The following RNASEL variants were observed in gnomAD, a reference collection of about 807,000 sequenced individuals.
RNASEL encodes ribonuclease L.
A neutral mutation model predicts 50.9 loss-of-function variants in RNASEL; 36 were observed. That is an observed-to-expected ratio of 0.71 (90% confidence interval 0.54 to 0.93). RNASEL has a LOEUF of 0.93. Ranked by LOEUF, RNASEL falls within the 40% of genes least tolerant of loss-of-function variation. The pLI is 0.00. For synonymous variants in RNASEL, 335 were observed against 335.6 expected (o/e 1.00, Z 0.02); for missense variants, 860 against 894.5 (o/e 0.96, Z 0.49).
intron 3 of RNASEL, among the ~76,000 whole-genome samples, chr1:182,583,704 T>C (rs1661540890): frequency 6.6e-6 from 1 of 152,160 alleles, no homozygotes; most frequent in Non-Finnish European, 1.5e-5. Context: ...GGCCTTCATC[T>C]TTCTCCCGTG....
intron 2 of RNASEL, 54 bp from the exon 3 acceptor site, chr1:182,584,220 G>A (rs1571268486): frequency 8.9e-7 from 1 of 1,126,052 alleles, no homozygotes; most frequent in Non-Finnish European, 1.4e-6. Context: ...CATAAAGTGA[G>A]AGTCAATTGA....
In RNASEL at chr1:182,586,554, G is replaced by A. The variant is rs752416471; in HGVS notation, c.253C>T (p.Pro85Ser). Residue 85 changes from proline to serine, a missense_variant, in exon 2 of 7, where the codon CCT becomes TCT. Transcript: ENST00000367559. ...VELLLRHGAD[P>S]VLRKKNGATP... The stretch of plus-strand genomic sequence containing the variant: ...GCCCCATTCTTCTTCCTCAGAACAG[G>A]GTCAGCACCATGACGAAGCAGAAGT... The A allele has an allele frequency of 1.2e-6, 2 of 1,606,762 alleles. No homozygotes were observed. The highest frequency in any genetic ancestry group is 2.2e-5 in the East Asian group (1 of 44,730).
At position 182,574,302 on chromosome 1, in the gene RNASEL, TA is replaced by T; in HGVS notation, c.*1089del. 4.4e-6 allele frequency: 1 copy of T among 226,728 alleles called. No individual in the cohort carries two copies. Among genetic ancestry groups the T allele is most frequent in the Non-Finnish European group, 8.8e-6 (1 of 114,100 alleles). 14.0% of individuals were successfully genotyped at this position (226,728 alleles called of 1,614,324 possible). On this transcript the variant is annotated 3_prime_UTR_variant, in exon 7 of 7. Coordinates refer to ENST00000367559, the MANE Select transcript of RNASEL (RefSeq NM_021133.4). ...TACATTCCAGTGGAGGAACCAAAAC[TA>T]AAAGGCGGAGGAAAGCTCTGGGTGC...
chr1:182,586,507 C>G lies in RNASEL; in HGVS notation c.300G>C (p.Ala100=), dbSNP rs1235804414. ...TCAGCAGCTTCACGCTCCCCGCAATCGCTGCGAGGATAAAAGGCGTGGCCC... is the reference window on the plus strand; with the variant it reads ...TCAGCAGCTTCACGCTCCCCGCAATGGCTGCGAGGATAAAAGGCGTGGCCC... ...KNGATPFILA[A]IAGSVKLLKL... is the part of the protein sequence containing the mutation. Residue 100 remains alanine, a synonymous_variant, in exon 2 of 7, where the codon GCG becomes GCC. Transcript: ENST00000367559. 1.1e-5 allele frequency: 18 copies of G among 1,611,436 alleles called. No homozygotes were observed. The highest frequency in any genetic ancestry group is 1.5e-5 in the Non-Finnish European group (18 of 1,177,916).
chr1:182,586,959 C>T lies in RNASEL; in HGVS notation c.-153G>A. 1.0e-6 allele frequency: 1 copy of T among 976,574 alleles called. No individual in the cohort carries two copies. The highest frequency in any genetic ancestry group is 1.6e-6 in the Non-Finnish European group (1 of 635,390). 60.5% of individuals were successfully genotyped at this position (976,574 alleles called of 1,614,324 possible). On this transcript the variant is annotated 5_prime_UTR_variant, in exon 2 of 7. Coordinates refer to ENST00000367559, the MANE Select transcript of RNASEL (RefSeq NM_021133.4). ...AAGAAGGAACAATGTTCTCAGTCTT[C>T]TGACATTCCACCTGGCAACGAAGAG...
chr1:182,576,490 A>G (rs370170877), intron 5 of RNASEL, 101 bp from the exon 6 acceptor site: 16 of 887,734 alleles, frequency 1.8e-5, no homozygotes, highest in African/African-American at 1.4e-4. Flanking sequence ...GAATATATTC[A>G]TATATTCTAT....
In RNASEL at chr1:182,583,712, GT is replaced by G. The variant is rs554654937; in HGVS notation, c.1566+368del. 7.2e-5 allele frequency among the ~76,000 whole-genome samples: 11 copies of G among 152,280 alleles called. No homozygotes were observed. The East Asian group carries it at 1.7e-3, about 24-fold the overall frequency. ...GACTTCTGGCCTTCATCTTTCTCCC[GT>G]GCTGGATGCTTCCTGCCCTCAAACA... On this transcript the variant is annotated intron_variant, in intron 3 of 6. Transcript: ENST00000367559.
intron 5 of RNASEL, among the ~76,000 whole-genome samples, chr1:182,577,478 C>T (rs975946469): frequency 2.0e-5 from 3 of 152,018 alleles, no homozygotes; most frequent in South Asian, 4.1e-4. Flanking sequence ...CCAAAGTGAA[C>T]GGTTTTGTTT....
rs11072 is a variant in RNASEL, at chr1:182,574,196, A to G, written c.*1196T>C. On this transcript the variant is annotated 3_prime_UTR_variant, in exon 7 of 7. Coordinates refer to ENST00000367559, the MANE Select transcript of RNASEL (RefSeq NM_021133.4). ...ATTCATTATTCAATGAATATTTATT[A>G]AACATTCCCACTTGGCAGACTTTTT... 0.27 allele frequency: 60,981 copies of G among 224,128 alleles called. 9,032 individuals carry two copies. The highest frequency in any genetic ancestry group is 0.39 in the South Asian group (2,098 of 5,420). 13.9% of individuals were successfully genotyped at this position (224,128 alleles called of 1,614,324 possible). A position where few individuals can be genotyped will look rare whatever the true frequency, so the allele number is the denominator to read the frequency against.
chr1:182,577,038 A>AG lies in RNASEL; in HGVS notation c.1906-650dup, dbSNP rs1558467575. ...ATTACAGGCACCCGCCACTATGCCCAGCTAATTTTTTTTTTTTTGTATTTT... is the reference window on the plus strand; with the variant it reads ...ATTACAGGCACCCGCCACTATGCCCAGGCTAATTTTTTTTTTTTTGTATTTT... On this transcript the variant is annotated intron_variant, in intron 5 of 6. Coordinates refer to ENST00000367559, the MANE Select transcript of RNASEL (RefSeq NM_021133.4). 6 of 148,838 alleles carry AG rather than the reference A, an allele frequency of 4.0e-5. No individual in the cohort carries two copies. The East Asian group carries it at 1.2e-3, about 30-fold the overall frequency. The allele number at this position is 148,838 out of a possible 1,614,324, so 9.2% of individuals were successfully genotyped here. A position where few individuals can be genotyped will look rare whatever the true frequency, so the allele number is the denominator to read the frequency against.
Position 182,575,244 on chromosome 1 carries a change from T to C in RNASEL, c.*148A>G, listed in dbSNP as rs1420171500. The C allele has an allele frequency of 9.1e-6, 7 of 769,126 alleles. No individual in the cohort carries two copies. The highest frequency in any genetic ancestry group is 1.6e-5 in the Non-Finnish European group (7 of 434,834). The allele number at this position is 769,126 out of a possible 1,614,324, so 47.6% of individuals were successfully genotyped here. A position where few individuals can be genotyped will look rare whatever the true frequency, so the allele number is the denominator to read the frequency against. ...ATATATTGCTTTTGTTATAGACATA[T>C]GGAATACACGATGCCAGGGACTGAC... is the stretch of plus-strand genomic sequence containing the variant. On this transcript the variant is annotated 3_prime_UTR_variant, in exon 7 of 7. Coordinates refer to ENST00000367559, the MANE Select transcript of RNASEL (RefSeq NM_021133.4).
intron 4 of RNASEL, 107 bp from the exon 5 acceptor site, chr1:182,581,464 T>C: frequency 8.5e-7 from 1 of 1,170,426 alleles, no homozygotes; most frequent in East Asian, 2.6e-5. Context: ...GCTTTCTTGG[T>C]TTTTCTTTCT....
chr1:182,579,798 C>T, intron 5 of RNASEL: 2 of 1,049,404 alleles, frequency 1.9e-6, no homozygotes, highest in South Asian at 1.3e-5. Context: ...TCTGACTGTC[C>T]AGCATGAGTA....
Position 182,573,907 on chromosome 1 carries a change from A to G in RNASEL, c.*1485T>C, listed in dbSNP as rs1314880303. On this transcript the variant is annotated 3_prime_UTR_variant, in exon 7 of 7. Transcript: ENST00000367559. ...ATTACAAAGCTCCATCTCAACCACC[A>G]CAATGATTCATGGAAAGAACATCAG... is the stretch of plus-strand genomic sequence containing the variant. 5.0e-6 allele frequency: 1 copy of G among 198,498 alleles called. No homozygotes were observed. Among genetic ancestry groups the G allele is most frequent in the East Asian group, 7.9e-5 (1 of 12,706 alleles). 12.3% of individuals were successfully genotyped at this position (198,498 alleles called of 1,614,324 possible).
rs571010700 is a variant in RNASEL, at chr1:182,585,666, G to A, written c.1141C>T (p.Leu381=). ...ACTTCTTGCTTCTCATAGAACCCCA[G>A]GTAGATGCCTCCTTCTGAAGTATCA... The part of the protein sequence containing the change: ...IADTSEGGIY[L]GFYEKQEVAV... Residue 381 remains leucine, a synonymous_variant, in exon 2 of 7, where the codon CTG becomes TTG. Coordinates refer to ENST00000367559, the MANE Select transcript of RNASEL (RefSeq NM_021133.4). 5.6e-6 allele frequency: 9 copies of A among 1,614,116 alleles called. No homozygotes were observed. In the South Asian group the frequency reaches 6.6e-5, roughly 12 times the overall value.
chr1:182,575,523 G>T lies in RNASEL; in HGVS notation c.2095C>A (p.Leu699Met). The part of the protein sequence containing the change: ...SLYFQKTFPD[L>M]VIYVYTKLQN... ...AGTTTTGTGTAGACATAGATCACCA[G>T]ATCTGGAAATGTCTTCTGAAAATAC... Residue 699 changes from leucine to methionine, a missense_variant, in exon 7 of 7, where the codon CTG becomes ATG. Leu to Met is a conservative substitution (Grantham distance 15, BLOSUM62 2). Coordinates refer to ENST00000367559, the MANE Select transcript of RNASEL (RefSeq NM_021133.4). 3 of 1,614,186 alleles carry T rather than the reference G, an allele frequency of 1.9e-6. No homozygotes were observed. The highest frequency in any genetic ancestry group is 8.5e-7 in the Non-Finnish European group (1 of 1,180,020).
At position 182,585,655 on chromosome 1, in the gene RNASEL, A is replaced by G. The variant is rs1182054036; in HGVS notation, c.1152T>C (p.Tyr384=). ...TSEGGIYLGF[Y]EKQEVAVKTF... Reference sequence around the variant, plus strand: ...TCTTCACAGCTACTTCTTGCTTCTCATAGAACCCCAGGTAGATGCCTCCTT... The same window carrying G: ...TCTTCACAGCTACTTCTTGCTTCTCGTAGAACCCCAGGTAGATGCCTCCTT... The change falls in exon 2 of 7, where the codon TAT becomes TAC. Residue 384 remains tyrosine (Y), a synonymous_variant. Coordinates refer to ENST00000367559, the MANE Select transcript of RNASEL (RefSeq NM_021133.4). The G allele has an allele frequency of 3.1e-6, 5 of 1,614,044 alleles. No individual in the cohort carries two copies.
At chr1:182,580,693 T>G (rs12091818) in intron 5 of RNASEL, among the ~76,000 whole-genome samples, 1 of 152,250 alleles carries the variant, frequency 6.6e-6, no homozygotes, top group Admixed American at 6.5e-5. Context: ...CTATAATTAA[T>G]GCAAGTTAGG....
intron 3 of RNASEL, among the ~76,000 whole-genome samples, chr1:182,583,343 A>C (rs1661529962): frequency 1.3e-5 from 2 of 152,220 alleles, no homozygotes; most frequent in Non-Finnish European, 2.9e-5. Context: ...GGAGAAGCCC[A>C]AGGAAATGCC....
Sources: allele counts gnomAD v4.1 joint callset (sites outside exome capture counted in the v4.1 genomes callset), GRCh38; gene constraint gnomAD v4.1.1; transcripts MANE v1.5; gene names NCBI Gene and HGNC (gene_info 2026-07-23, HGNC 2026-07-21).